The following CYP19A1 variants were observed in gnomAD, a reference collection of about 807,000 sequenced individuals.
The protein encoded by CYP19A1 is cytochrome P450 family 19 subfamily A member 1.
In CYP19A1, 32 loss-of-function variants were observed where a neutral mutation model predicts 44.4. The ratio of observed to expected loss-of-function variants is 0.72; its 90% CI spans 0.54 to 0.97. CYP19A1 has a LOEUF of 0.97. Ranked by LOEUF, CYP19A1 falls within the 50% of genes least tolerant of loss-of-function variation. CYP19A1 has a pLI of 0.00. For missense variants in CYP19A1, 598 were observed against 637.8 expected (o/e 0.94, Z 0.67); for synonymous variants, 212 against 215.6 (o/e 0.98, Z 0.14).
intron 1 of CYP19A1, among the ~76,000 whole-genome samples, chr15:51,332,033 T>C (rs978039758): frequency 3.3e-5 from 5 of 152,114 alleles, no homozygotes; most frequent in Non-Finnish European, 7.4e-5. Context: ...TTAAGAATAA[T>C]TCTATTCACA....
At chr15:51,259,544 C>T (rs2034638118) in intron 1 of CYP19A1, among the ~76,000 whole-genome samples, 1 of 152,050 alleles carries the variant, frequency 6.6e-6, no homozygotes, top group African/African-American at 2.4e-5. Context: ...GATGAGGTGG[C>T]TAAGGAAGGG....
intron 1 of CYP19A1, among the ~76,000 whole-genome samples, chr15:51,247,392 T>C (rs2034108775): frequency 6.6e-6 from 1 of 152,192 alleles, no homozygotes; most frequent in Admixed American, 6.5e-5. Flanking sequence ...CATTACTCCA[T>C]AGTTACGTCT....
At position 51,291,568 on chromosome 15, in the gene CYP19A1, C is replaced by T. The variant is rs570740418; in HGVS notation, c.-39+46927G>A. 3.3e-5 allele frequency among the ~76,000 whole-genome samples: 5 copies of T among 152,290 alleles called. No individual in the cohort carries two copies. The East Asian group carries it at 9.6e-4, about 29-fold the overall frequency. On this transcript the variant is annotated intron_variant, in intron 1 of 9. Transcript: ENST00000396402. ...CTAGGATTCCAACCTAGGTGTATGA[C>T]TCCAAAGTCTTGATAATTTCTCTAA...
intron 1 of CYP19A1, among the ~76,000 whole-genome samples, chr15:51,301,667 C>T (rs1184244772): frequency 6.6e-6 from 1 of 152,078 alleles, no homozygotes; most frequent in Non-Finnish European, 1.5e-5. Flanking sequence ...ATTGACTAGA[C>T]CTGATTTGTC....
rs138827241 is a variant in CYP19A1, at chr15:51,215,084, A to T, written c.1007T>A (p.Ile336Asn). The change falls in exon 8 of 10, where the codon ATC becomes AAC. Residue 336 changes from isoleucine (I) to asparagine (N), a missense_variant. Transcript: ENST00000396402. ...PNVEEAIIKE[I>N]QTVIGERDIK... ...TAAATTCTTACCAATAACAGTCTGG[A>T]TTTCCTTTATTATTGCCTCTTCAAC... The T allele has an allele frequency of 2.1e-5, 34 of 1,613,824 alleles. No individual in the cohort carries two copies. The Admixed American group carries it at 4.3e-4, about 21-fold the overall frequency.
At position 51,215,721 on chromosome 15, in the gene CYP19A1, A is replaced by G. The variant is rs370669156; in HGVS notation, c.840T>C (p.Thr280=). The change falls in exon 7 of 10, where the codon ACT becomes ACC. Residue 280 remains threonine, a synonymous_variant. Coordinates refer to ENST00000396402, the MANE Select transcript of CYP19A1 (RefSeq NM_000103.4). ...TCAGTACCTCTGCTAAAATCAACTC[A>G]GTGGCAAAGTCCATACATTCTTCCA... The part of the protein sequence containing the change: ...EKLEECMDFA[T]ELILAEKRGD... 1 of 1,613,930 alleles carries G rather than the reference A, an allele frequency of 6.2e-7. No homozygotes were observed. The highest frequency in any genetic ancestry group is 1.7e-5 in the Admixed American group (1 of 60,006).
intron 2 of CYP19A1, 59 bp downstream of exon 2, chr15:51,242,709 A>G (rs1417505648): frequency 2.6e-6 from 3 of 1,146,974 alleles, no homozygotes; most frequent in African/African-American, 1.5e-5. Context: ...CTTTACCATC[A>G]TGGACCAAAA....
rs1566906140 is a variant in CYP19A1 at position 51,272,972 on chromosome 15, T to C, written c.-38-30022A>G. Among the ~76,000 whole-genome samples the C allele has an allele frequency of 2.6e-5, 4 of 152,304 alleles. No homozygotes were observed. In the East Asian group the frequency reaches 7.7e-4, roughly 29 times the overall value. ...TTTTCCATTTCTTTCCTCACTTTTT[T>C]TTTTGAGATGGAGTTTCACTCTTTC... On this transcript the variant is annotated intron_variant, in intron 1 of 9. Transcript: ENST00000396402.
At chr15:51,227,439 G>A (rs1307178080) in intron 4 of CYP19A1, among the ~76,000 whole-genome samples, 1 of 152,054 alleles carries the variant, frequency 6.6e-6, no homozygotes, top group Non-Finnish European at 1.5e-5. Context: ...GGCCGAGGCA[G>A]GTCAATCGTT....
chr15:51,223,585 T>TCACACACA (rs1566877198), intron 4 of CYP19A1, among the ~76,000 whole-genome samples: 1 of 79,226 alleles, frequency 1.3e-5, no homozygotes, highest in East Asian at 5.9e-4. Flanking sequence ...TCTCTCTCTC[T>TCACACACA]CTCTCTCTCA....
chr15:51,284,529 G>A (rs923712973), intron 1 of CYP19A1, among the ~76,000 whole-genome samples: 2 of 152,220 alleles, frequency 1.3e-5, no homozygotes, highest in African/African-American at 4.8e-5. Context: ...ACAATGGGAT[G>A]CTGAAATATC....
At chr15:51,276,637 G>A (rs1441871717) in intron 1 of CYP19A1, among the ~76,000 whole-genome samples, 1 of 152,120 alleles carries the variant, frequency 6.6e-6, no homozygotes, top group Non-Finnish European at 1.5e-5. Flanking sequence ...AGTTCTGAAG[G>A]ACAAACCTAT....
intron 3 of CYP19A1, among the ~76,000 whole-genome samples, chr15:51,235,060 G>A (rs2033300634): frequency 1.3e-5 from 2 of 152,150 alleles, no homozygotes; most frequent in African/African-American, 4.8e-5. Flanking sequence ...AGCGGCAAAT[G>A]TCCCTACCCC....
chr15:51,227,694 A>ATAAATAAATAAATAAATAAATAAATAAT, intron 4 of CYP19A1, 85 bp downstream of exon 4: 1 of 388,462 alleles, frequency 2.6e-6, no homozygotes. Flanking sequence ...AAATAAATAA[A>ATAAATAAATAAATAAATAAATAAATAAT]TAAATAAAAT....
intron 1 of CYP19A1, among the ~76,000 whole-genome samples, chr15:51,335,995 T>C (rs2036769410): frequency 6.6e-6 from 1 of 152,220 alleles, no homozygotes; most frequent in African/African-American, 2.4e-5. Flanking sequence ...GTTCCTCCTC[T>C]CTGCAATTCT....
intron 1 of CYP19A1, among the ~76,000 whole-genome samples, chr15:51,304,814 C>T (rs1291986546): frequency 6.6e-6 from 1 of 151,310 alleles, no homozygotes; most frequent in Non-Finnish European, 1.5e-5. Flanking sequence ...GACAAGAAAC[C>T]CTACAAGGTG....
chr15:51,252,853 G>T (rs1423053798), intron 1 of CYP19A1, among the ~76,000 whole-genome samples: 1 of 152,164 alleles, frequency 6.6e-6, no homozygotes, highest in East Asian at 1.9e-4. Context: ...AGTTAATCTG[G>T]GGAAGACAGA....
intron 1 of CYP19A1, among the ~76,000 whole-genome samples, chr15:51,318,031 A>G (rs1264333473): frequency 1.3e-5 from 2 of 152,170 alleles, no homozygotes; most frequent in Admixed American, 6.5e-5. Context: ...GGGTGTTGCT[A>G]GAAGTGTAGG....
chr15:51,256,050 T>C (rs1703603083), intron 1 of CYP19A1, among the ~76,000 whole-genome samples: 2 of 152,352 alleles, frequency 1.3e-5, no homozygotes, highest in South Asian at 4.1e-4. Context: ...TTAAAGGTAA[T>C]GTTTTCCACC....
Sources: gnomAD v4.1 joint callset for allele counts (sites outside exome capture counted in the v4.1 genomes callset) on GRCh38, gnomAD v4.1.1 for gene constraint, MANE v1.5 for transcripts, NCBI Gene and HGNC (gene_info 2026-07-23, HGNC 2026-07-21) for gene names.